The following SDK1 variants were observed in gnomAD, a reference collection of about 807,000 sequenced individuals.
SDK1 encodes sidekick cell adhesion molecule 1.
Under a neutral mutation model 245.5 loss-of-function variants are expected in SDK1, and 157 were observed. The observed-to-expected ratio is 0.64, with a 90% CI of 0.56 to 0.73. The LOEUF is 0.73. Among genes scored for constraint, SDK1 ranks in the 30% least tolerant of loss-of-function variants. SDK1 has a pLI of 0.00. For missense variants in SDK1, 3,583 were observed against 3,002.3 expected (o/e 1.19, Z -4.52); for synonymous variants, 1,647 against 1,278.5 (o/e 1.29, Z -6.15).
At chr7:3,362,842 C>A (rs6462040) in intron 1 of SDK1, among the ~76,000 whole-genome samples, 93,771 of 152,054 alleles carry the variant, frequency 0.62, 30,263 homozygotes, top group African/African-American at 0.82. Flanking sequence ...TCTGAGAAAA[C>A]CTTGGATAAT....
intron 5 of SDK1, among the ~76,000 whole-genome samples, chr7:3,822,349 G>A (rs904390359): frequency 6.1e-4 from 93 of 152,258 alleles, no homozygotes; most frequent in African/African-American, 2.1e-3. Flanking sequence ...TAGTCATGGC[G>A]GATGGTAAAT....
intron 5 of SDK1, among the ~76,000 whole-genome samples, chr7:3,915,539 AC>A (rs1201304826): frequency 3.9e-5 from 6 of 152,116 alleles, no homozygotes; most frequent in African/African-American, 1.4e-4. Context: ...TCCATGTAAG[AC>A]ATCCTTTTGC....
chr7:3,975,061 G>A (rs971812353), intron 13 of SDK1, among the ~76,000 whole-genome samples: 5 of 152,050 alleles, frequency 3.3e-5, no homozygotes, highest in Admixed American at 1.3e-4. Flanking sequence ...GCAACTGCCC[G>A]TTACTTCCAA....
chr7:3,520,958 G>A (rs1332451503), intron 1 of SDK1, among the ~76,000 whole-genome samples: 1 of 152,184 alleles, frequency 6.6e-6, no homozygotes, highest in East Asian at 1.9e-4. Flanking sequence ...AGGTATGGCT[G>A]CACTAAGCCT....
intron 5 of SDK1, among the ~76,000 whole-genome samples, chr7:3,835,420 A>G (rs753376164): frequency 1.5e-4 from 23 of 152,240 alleles, no homozygotes; most frequent in Non-Finnish European, 2.9e-4. Context: ...GTTGAACCTA[A>G]TATCAGGGAC....
chr7:3,580,433 AC>A (rs1220161379), intron 1 of SDK1, among the ~76,000 whole-genome samples: 2 of 152,206 alleles, frequency 1.3e-5, no homozygotes, highest in Non-Finnish European at 2.9e-5. Flanking sequence ...TGGTACTTGT[AC>A]AAAGACAGAC....
At chr7:3,603,767 T>C (rs2128639581) in intron 1 of SDK1, among the ~76,000 whole-genome samples, 1 of 152,270 alleles carries the variant, frequency 6.6e-6, no homozygotes, top group African/African-American at 2.4e-5. Flanking sequence ...TGCCCGTTTT[T>C]AAAGGGAATG....
chr7:3,902,033 TG>T (rs1445434398), intron 5 of SDK1, among the ~76,000 whole-genome samples: 1 of 152,186 alleles, frequency 6.6e-6, no homozygotes, highest in African/African-American at 2.4e-5. Context: ...CAGGCTCACC[TG>T]TATTTTTCCT....
chr7:3,462,244 G>C (rs4722830), intron 1 of SDK1, among the ~76,000 whole-genome samples: 115,855 of 152,066 alleles, frequency 0.76, 44,531 homozygotes, highest in African/African-American at 0.86. Flanking sequence ...CCGCTCTATC[G>C]TTTTGAAATA....
At chr7:3,430,978 G>T (rs1779828728) in intron 1 of SDK1, among the ~76,000 whole-genome samples, 1 of 152,190 alleles carries the variant, frequency 6.6e-6, no homozygotes, top group African/African-American at 2.4e-5. Context: ...TTGGCTTACT[G>T]CAACCTCCGC....
chr7:4,142,151 C>A (rs1359260996), intron 28 of SDK1, among the ~76,000 whole-genome samples: 2 of 152,176 alleles, frequency 1.3e-5, no homozygotes, highest in Non-Finnish European at 2.9e-5. Context: ...GTGGAGGGAG[C>A]AGGCTGAACC....
chr7:3,645,805 C>T (rs1350474823), intron 4 of SDK1, among the ~76,000 whole-genome samples: 1 of 152,084 alleles, frequency 6.6e-6, no homozygotes, highest in Non-Finnish European at 1.5e-5. Flanking sequence ...GAGCATTTGA[C>T]TCAAGGTGCT....
chr7:3,965,740 G>C (rs1158045906), intron 9 of SDK1, among the ~76,000 whole-genome samples: 1 of 132,294 alleles, frequency 7.6e-6, no homozygotes, highest in East Asian at 2.3e-4. Flanking sequence ...CTGCAGAAAA[G>C]GGGAGCAGGT....
At chr7:4,019,728 T>C (rs1786720284) in intron 17 of SDK1, among the ~76,000 whole-genome samples, 1 of 151,992 alleles carries the variant, frequency 6.6e-6, no homozygotes. Flanking sequence ...TGTTTGACAT[T>C]GGGGGTTGGT....
At chr7:3,654,828 G>A (rs1025052873) in intron 4 of SDK1, among the ~76,000 whole-genome samples, 1 of 151,974 alleles carries the variant, frequency 6.6e-6, no homozygotes, top group African/African-American at 2.4e-5. Flanking sequence ...ATTTTTCACT[G>A]GAAATAAAAT....
chr7:3,545,277 C>T (rs921676186), intron 1 of SDK1, among the ~76,000 whole-genome samples: 2 of 152,092 alleles, frequency 1.3e-5, no homozygotes, highest in African/African-American at 4.8e-5. Flanking sequence ...GGGATTGATG[C>T]AGGGGTCAGA....
intron 27 of SDK1, 71 bp downstream of exon 27, chr7:4,130,168 G>A: frequency 7.1e-7 from 1 of 1,414,406 alleles, no homozygotes; most frequent in Non-Finnish European, 9.5e-7. Flanking sequence ...CAAACAATTT[G>A]GATTGTTGTC....
At chr7:3,987,878 C>G (rs1783991309) in intron 14 of SDK1, among the ~76,000 whole-genome samples, 1 of 152,182 alleles carries the variant, frequency 6.6e-6, no homozygotes, top group South Asian at 2.1e-4. Context: ...CCTTCTCTTC[C>G]CAGCTGGCTG....
chr7:4,048,859 A>G (rs922279140), intron 17 of SDK1, among the ~76,000 whole-genome samples: 1 of 152,244 alleles, frequency 6.6e-6, no homozygotes, highest in African/African-American at 2.4e-5. Flanking sequence ...TGACAGACAA[A>G]GAGAAATTTA....
Sources: allele counts gnomAD v4.1 joint callset (sites outside exome capture counted in the v4.1 genomes callset), GRCh38; gene constraint gnomAD v4.1.1; transcripts MANE v1.5; gene names NCBI Gene and HGNC (gene_info 2026-07-23, HGNC 2026-07-21).